The following TTC29 variants were observed in gnomAD, a reference collection of about 807,000 sequenced individuals.
TTC29 encodes the protein tetratricopeptide repeat domain 29.
A neutral mutation model predicts 58.1 loss-of-function variants in TTC29; 49 were observed. The observed-to-expected ratio is 0.84, with a 90% confidence interval of 0.67 to 1.07. The LOEUF (loss-of-function observed/expected upper bound fraction) is 1.07. Ranked by LOEUF, TTC29 falls within the 50% of genes least tolerant of loss-of-function variation. The pLI is 0.00. For missense variants in TTC29, 582 were observed against 555.6 expected, an observed-to-expected ratio of 1.05 and a Z score of -0.48; for synonymous variants, 209 against 196.8, an observed-to-expected ratio of 1.06 and a Z score of -0.52.
intron 5 of TTC29, among the ~76,000 whole-genome samples, chr4:146,907,924 CT>C (rs1206753136): frequency 2.0e-5 from 3 of 152,002 alleles, no homozygotes; most frequent in Non-Finnish European, 4.4e-5. Flanking sequence ...CAGTGAAACC[CT>C]TTTCATAATA....
intron 10 of TTC29, among the ~76,000 whole-genome samples, chr4:146,814,219 T>C (rs1359882830): frequency 6.6e-6 from 1 of 151,974 alleles, no homozygotes; most frequent in Non-Finnish European, 1.5e-5. Flanking sequence ...TAAACAACAA[T>C]AATAAGAAAA....
At chr4:146,779,547 T>C (rs1236061618) in intron 11 of TTC29, among the ~76,000 whole-genome samples, 4 of 152,164 alleles carry the variant, frequency 2.6e-5, no homozygotes, top group Non-Finnish European at 5.9e-5. Context: ...ATCTATCTCA[T>C]TAATTAAGTA....
intron 10 of TTC29, among the ~76,000 whole-genome samples, chr4:146,818,340 T>A (rs910037047): frequency 4.6e-5 from 7 of 152,196 alleles, no homozygotes; most frequent in African/African-American, 1.7e-4. Context: ...AAAATGCTCA[T>A]CATCACTGGC....
chr4:146,945,314 T>C (rs899440555), intron 1 of TTC29: 15 of 152,228 alleles, frequency 9.9e-5, no homozygotes, highest in African/African-American at 3.4e-4. Context: ...TATGTATTGA[T>C]GTATTTCAAT....
intron 2 of TTC29, chr4:146,942,615 G>A (rs1385673953): frequency 6.5e-7 from 1 of 1,533,880 alleles, no homozygotes; most frequent in Non-Finnish European, 8.7e-7. Context: ...TTTCCACAGA[G>A]TTCCAGAGTC....
chr4:146,874,109 A>G (rs1042134000), intron 7 of TTC29, among the ~76,000 whole-genome samples: 1 of 152,116 alleles, frequency 6.6e-6, no homozygotes, highest in Non-Finnish European at 1.5e-5. Context: ...TCATAGAAGC[A>G]TTTTTACTGC....
chr4:146,838,000 T>C (rs999079863), intron 8 of TTC29, among the ~76,000 whole-genome samples: 1 of 151,982 alleles, frequency 6.6e-6, no homozygotes, highest in Non-Finnish European at 1.5e-5. Flanking sequence ...GCAAAGTCAG[T>C]TCATACACCT....
chr4:146,758,165 A>G (rs1209681112), intron 11 of TTC29, among the ~76,000 whole-genome samples: 1 of 152,180 alleles, frequency 6.6e-6, no homozygotes, highest in East Asian at 1.9e-4. Flanking sequence ...GCAAATGGAC[A>G]CCAAAAGCAA....
At chr4:146,884,596 G>C (rs1731853881) in intron 6 of TTC29, among the ~76,000 whole-genome samples, 1 of 152,050 alleles carries the variant, frequency 6.6e-6, no homozygotes, top group African/African-American at 2.4e-5. Flanking sequence ...GGACTTTTAA[G>C]ATGCAAATTT....
At chr4:146,937,176 T>C (rs546492494) in intron 4 of TTC29, among the ~76,000 whole-genome samples, 1 of 152,080 alleles carries the variant, frequency 6.6e-6, no homozygotes, top group Non-Finnish European at 1.5e-5. Flanking sequence ...GGTTCTTTTG[T>C]GAGTGCTTGG....
chr4:146,716,613 A>G (rs1395161773), intron 11 of TTC29, among the ~76,000 whole-genome samples: 2 of 152,122 alleles, frequency 1.3e-5, no homozygotes, highest in African/African-American at 4.8e-5. Flanking sequence ...TTTCGTAAAA[A>G]TTGAGTTTTC....
At chr4:146,822,799 G>A (rs986776914) in intron 9 of TTC29, among the ~76,000 whole-genome samples, 2 of 152,094 alleles carry the variant, frequency 1.3e-5, no homozygotes, top group Non-Finnish European at 2.9e-5. Flanking sequence ...TTGTCATTCT[G>A]ACTGGCGTGA....
At chr4:146,801,444 C>T (rs2150116101) in intron 11 of TTC29, among the ~76,000 whole-genome samples, 1 of 152,142 alleles carries the variant, frequency 6.6e-6, no homozygotes, top group East Asian at 1.9e-4. Flanking sequence ...GTGGCTCATC[C>T]ATGCATATAT....
chr4:146,708,344 A>G (rs1294602350), intron 11 of TTC29, among the ~76,000 whole-genome samples: 7 of 24,088 alleles, frequency 2.9e-4, no homozygotes, highest in South Asian at 2.2e-3. Flanking sequence ...ATATATATAT[A>G]TATATATATA....
At chr4:146,728,827 A>ATATATATG (rs1554006107) in intron 11 of TTC29, among the ~76,000 whole-genome samples, 1 of 67,744 alleles carries the variant, frequency 1.5e-5, no homozygotes, top group Non-Finnish European at 3.2e-5. Flanking sequence ...GTATATATAC[A>ATATATATG]TATATATACA....
chr4:146,722,986 C>T (rs569847136), intron 11 of TTC29, among the ~76,000 whole-genome samples: 37 of 152,158 alleles, frequency 2.4e-4, no homozygotes, highest in South Asian at 4.1e-4. Flanking sequence ...GCATGAGCCA[C>T]GGCACCTGGC....
At chr4:146,712,689 G>C (rs1028400987) in intron 11 of TTC29, among the ~76,000 whole-genome samples, 1 of 152,110 alleles carries the variant, frequency 6.6e-6, no homozygotes, top group African/African-American at 2.4e-5. Flanking sequence ...GGATTTTGAA[G>C]AGACTTTAAT....
In TTC29 at chr4:146,820,259, T is replaced by C; in HGVS notation, c.978-11A>G. 6.2e-7 allele frequency: 1 copy of C among 1,608,928 alleles called. No homozygotes were observed. The highest frequency in any genetic ancestry group is 8.5e-7 in the Non-Finnish European group (1 of 1,178,614). ...GTCATCTCTCCTTGGCTAGAATGAA[T>C]GAAATAGGAAGTCAATGGAGTATCA... On this transcript the variant is annotated splice_polypyrimidine_tract_variant and intron_variant, in intron 9 of 12. Coordinates refer to ENST00000325106, the MANE Select transcript of TTC29 (RefSeq NM_031956.4).
chr4:146,867,112 C>G (rs1730610650), intron 8 of TTC29, among the ~76,000 whole-genome samples: 1 of 152,110 alleles, frequency 6.6e-6, no homozygotes, highest in Non-Finnish European at 1.5e-5. Context: ...AACTGCATTT[C>G]TGTGTGTGCA....
Sources: gnomAD v4.1 joint callset for allele counts (sites outside exome capture counted in the v4.1 genomes callset) on GRCh38, gnomAD v4.1.1 for gene constraint, MANE v1.5 for transcripts, NCBI Gene and HGNC (gene_info 2026-07-23, HGNC 2026-07-21) for gene names.